The following CAMTA1 variants were observed in gnomAD, a reference collection of about 807,000 sequenced individuals.
The protein encoded by CAMTA1 is calmodulin-binding transcription activator 1.
CAMTA1 carries 27 observed loss-of-function variants against 170.9 expected under a neutral mutation model. The ratio of observed to expected loss-of-function variants is 0.16; its 90% CI spans 0.12 to 0.22. The LOEUF (loss-of-function observed/expected upper bound fraction) is 0.22, where lower values mean the gene tolerates loss of function less well. Ranked by LOEUF, CAMTA1 falls within the 10% of genes least tolerant of loss-of-function variation. CAMTA1 has a pLI of 1.00. For missense variants in CAMTA1, 1,619 were observed against 2,217.2 expected (o/e 0.73, Z 5.42); for synonymous variants, 833 against 891.5 (o/e 0.93, Z 1.17).
rs34535455 is a variant in CAMTA1, at chr1:7,680,750, G to A, written c.2914+3017G>A. Among the ~76,000 whole-genome samples, 19,403 of 151,270 alleles carry A rather than the reference G, an allele frequency of 0.13. 1,550 individuals are homozygous for A. Among genetic ancestry groups the A allele is most frequent in the East Asian group, 0.24 (1,179 of 5,002 alleles). ...GCGGGGGAAAATGTTTGAGGGCGGGGAAGAGACTGTCTGCCCTCATTTGAT... is the reference window on the plus strand; with the variant it reads ...GCGGGGGAAAATGTTTGAGGGCGGGAAAGAGACTGTCTGCCCTCATTTGAT... On this transcript the variant is annotated intron_variant, in intron 11 of 22. Transcript: ENST00000303635. This position sits in a 1 kb window ranked among gnomAD's most constrained non-coding sequence, Gnocchi z 4.4.
intron 11 of CAMTA1, among the ~76,000 whole-genome samples, chr1:7,718,125 G>A (rs2096624666): frequency 6.6e-6 from 1 of 152,054 alleles, no homozygotes; most frequent in Non-Finnish European, 1.5e-5. Flanking sequence ...AGTCCCGGTG[G>A]CTAACAACTT....
At chr1:7,687,056 C>G (rs1237561581) in intron 11 of CAMTA1, among the ~76,000 whole-genome samples, 2 of 151,952 alleles carry the variant, frequency 1.3e-5, no homozygotes, top group East Asian at 3.9e-4. Flanking sequence ...AGTCTGGAGG[C>G]CAATGAGAGA....
intron 1 of CAMTA1, among the ~76,000 whole-genome samples, chr1:6,811,914 T>G (rs1288175344): frequency 6.6e-6 from 1 of 152,226 alleles, no homozygotes; most frequent in East Asian, 1.9e-4. Context: ...TTTTAGTTCT[T>G]TGGGCAGTAG....
chr1:7,398,191 C>CTA (rs2089555797), intron 5 of CAMTA1, among the ~76,000 whole-genome samples: 9 of 26,904 alleles, frequency 3.3e-4, no homozygotes, highest in South Asian at 1.4e-3. Context: ...CTCTCTCTCT[C>CTA]TCTATATATA....
intron 5 of CAMTA1, among the ~76,000 whole-genome samples, chr1:7,396,185 C>T (rs557759341): frequency 1.3e-5 from 2 of 152,268 alleles, no homozygotes; most frequent in Admixed American, 6.5e-5. Context: ...TTAGTTCCCA[C>T]GATAGCTTGT....
intron 4 of CAMTA1, among the ~76,000 whole-genome samples, chr1:7,109,895 C>A (rs537172464): frequency 6.6e-6 from 1 of 152,160 alleles, no homozygotes; most frequent in Non-Finnish European, 1.5e-5. Context: ...TGAAGCCCAT[C>A]GTGGGATTAG....
rs562289594 is a variant in CAMTA1, at chr1:6,812,753, G to T, written c.46-7428G>T. ...TAAAATCACTTTAAACATGCTTTACGTGCATCTCTGGTAATAGAGAATCAA... is the reference window on the plus strand; with the variant it reads ...TAAAATCACTTTAAACATGCTTTACTTGCATCTCTGGTAATAGAGAATCAA... On this transcript the variant is annotated intron_variant, in intron 1 of 22. Transcript: ENST00000303635. 1.8e-4 allele frequency among the ~76,000 whole-genome samples: 27 copies of T among 152,136 alleles called. 1 individual carries two copies. The South Asian group carries it at 5.6e-3, about 32-fold the overall frequency.
intron 10 of CAMTA1, among the ~76,000 whole-genome samples, chr1:7,672,854 GCCCAC>G (rs1026151705): frequency 2.0e-5 from 3 of 151,828 alleles, no homozygotes; most frequent in African/African-American, 7.3e-5. Flanking sequence ...AGCCCAAGGT[GCCCAC>G]CCCACCCCCT....
intron 5 of CAMTA1, among the ~76,000 whole-genome samples, chr1:7,369,341 A>G (rs1251972229): frequency 6.6e-6 from 1 of 152,178 alleles, no homozygotes; most frequent in Non-Finnish European, 1.5e-5. Flanking sequence ...AGGTGCCCTA[A>G]TGAGTGTAAG....
At chr1:7,448,136 C>T (rs1050706135) in intron 5 of CAMTA1, among the ~76,000 whole-genome samples, 2 of 152,194 alleles carry the variant, frequency 1.3e-5, no homozygotes, top group African/African-American at 4.8e-5. Context: ...AGCCCAGTCC[C>T]CGCACCTCCC....
intron 5 of CAMTA1, among the ~76,000 whole-genome samples, chr1:7,461,770 C>T (rs902221772): frequency 1.3e-5 from 2 of 152,254 alleles, no homozygotes; most frequent in African/African-American, 4.8e-5. Flanking sequence ...GGCAGACCAA[C>T]TAGAAGTTCT....
intron 4 of CAMTA1, among the ~76,000 whole-genome samples, chr1:7,120,263 C>A (rs1428281694): frequency 6.6e-6 from 1 of 152,190 alleles, no homozygotes; most frequent in Non-Finnish European, 1.5e-5. Flanking sequence ...GCTTCAATGT[C>A]CCTCATGAAG....
chr1:7,687,325 G>A (rs936348596), intron 11 of CAMTA1, among the ~76,000 whole-genome samples: 5 of 151,428 alleles, frequency 3.3e-5, no homozygotes, highest in African/African-American at 9.7e-5. Flanking sequence ...TCAAAAAAAA[G>A]GACGTGGTCA....
chr1:6,976,103 C>T (rs1271666754), intron 3 of CAMTA1, among the ~76,000 whole-genome samples: 2 of 152,174 alleles, frequency 1.3e-5, no homozygotes, highest in Admixed American at 6.5e-5. Flanking sequence ...AGACTTTGAC[C>T]TAATTGAGTT....
chr1:7,556,362 C>A (rs1219236179), intron 6 of CAMTA1, among the ~76,000 whole-genome samples: 2 of 152,152 alleles, frequency 1.3e-5, no homozygotes, highest in Non-Finnish European at 2.9e-5. Flanking sequence ...GGCAGTCCCT[C>A]CAGGTTCAGC....
intron 4 of CAMTA1, among the ~76,000 whole-genome samples, chr1:7,198,284 T>C (rs952118704): frequency 3.3e-5 from 5 of 152,042 alleles, no homozygotes; most frequent in African/African-American, 1.2e-4. Flanking sequence ...TTTGGAGGCC[T>C]GGAGGTGGGC....
At position 7,195,550 on chromosome 1, in the gene CAMTA1, A is replaced by C. The variant is rs574401016; in HGVS notation, c.303-53941A>C. ...GTCCTGACTGATGCAGGTGGATACC[A>C]GCAGGCAACAGTGGTTGGCACTGTG... On this transcript the variant is annotated intron_variant, in intron 4 of 22. Coordinates refer to ENST00000303635, the MANE Select transcript of CAMTA1 (RefSeq NM_015215.4). The surrounding 1 kb of genome is among the most constrained non-coding windows in gnomAD (Gnocchi z 4.1). 2.6e-5 allele frequency among the ~76,000 whole-genome samples: 4 copies of C among 152,274 alleles called. No homozygotes were observed. The South Asian group carries it at 8.3e-4, about 32-fold the overall frequency.
rs1347821965 is a variant in CAMTA1 at position 7,735,455 on chromosome 1, A to G, written c.3067-889A>G. Among the ~76,000 whole-genome samples the G allele has an allele frequency of 4.6e-5, 7 of 151,956 alleles. No individual in the cohort carries two copies. In the East Asian group the frequency reaches 1.4e-3, roughly 29 times the overall value. On this transcript the variant is annotated intron_variant, in intron 12 of 22. Coordinates refer to ENST00000303635, the MANE Select transcript of CAMTA1 (RefSeq NM_015215.4). ...GCGAGACTCTGTCTCAAAAAAAAAA[A>G]AAAAGAAAAAAGAAGAAGAAGAAAG...
rs1360726634 is a variant in CAMTA1 at position 7,435,403 on chromosome 1, C to CCT, written c.439-32423_439-32422dup. Among the ~76,000 whole-genome samples the CCT allele has an allele frequency of 1.3e-5, 2 of 152,200 alleles. No individual in the cohort carries two copies. The highest frequency in any genetic ancestry group is 2.4e-5 in the African/African-American group (1 of 41,444). On this transcript the variant is annotated intron_variant, in intron 5 of 22. Coordinates refer to ENST00000303635, the MANE Select transcript of CAMTA1 (RefSeq NM_015215.4). The surrounding 1 kb of genome is among the most constrained non-coding windows in gnomAD (Gnocchi z 4.4). The stretch of plus-strand genomic sequence containing the variant: ...GAATTCCAAGTTTGGGACTCCTGTA[C>CCT]CTCTCCCTGTGGGATCCCTGCCCTA...
Sources: allele counts gnomAD v4.1 joint callset (sites outside exome capture counted in the v4.1 genomes callset), GRCh38; gene constraint gnomAD v4.1.1; non-coding constraint Gnocchi (gnomAD v3.1); transcripts MANE v1.5; gene names NCBI Gene and HGNC (gene_info 2026-07-23, HGNC 2026-07-21).